Variants in RABGAP1L observed in about 807,000 individuals in gnomAD.
RABGAP1L encodes RAB GTPase activating protein 1 like, also known as rab GTPase-activating protein 1-like.
RABGAP1L carries 63 observed loss-of-function variants against 137.7 expected under a neutral mutation model. The ratio of observed to expected loss-of-function variants is 0.46; its 90% CI spans 0.37 to 0.56. The LOEUF (loss-of-function observed/expected upper bound fraction) is 0.56. Among genes scored for constraint, RABGAP1L ranks in the 20% least tolerant of loss-of-function variants. The pLI is 0.00. For missense variants in RABGAP1L, 1,095 were observed against 1,244.0 expected (o/e 0.88, Z 1.80); for synonymous variants, 431 against 433.7 (o/e 0.99, Z 0.08).
At chr1:174,597,709 TTTTCTC>T (rs1192405112) in intron 13 of RABGAP1L, among the ~76,000 whole-genome samples, 1 of 152,180 alleles carries the variant, frequency 6.6e-6, no homozygotes, top group Non-Finnish European at 1.5e-5. Context: ...GTATTGTTCT[TTTTCTC>T]TTTCCAATTT....
At chr1:174,226,910 C>G (rs1209816401) in intron 3 of RABGAP1L, among the ~76,000 whole-genome samples, 2 of 151,998 alleles carry the variant, frequency 1.3e-5, no homozygotes, top group Non-Finnish European at 2.9e-5. Flanking sequence ...ATCTGTGAGC[C>G]AAATTCCACT....
chr1:174,957,807 C>A, intron 20 of RABGAP1L: 1 of 1,228,678 alleles, frequency 8.1e-7, no homozygotes, highest in Non-Finnish European at 1.2e-6. Flanking sequence ...GATTTAGATG[C>A]TCTCTGATCA....
At chr1:174,889,541 C>T (rs1655770424) in intron 19 of RABGAP1L, among the ~76,000 whole-genome samples, 1 of 152,102 alleles carries the variant, frequency 6.6e-6, no homozygotes, top group Non-Finnish European at 1.5e-5. Context: ...CTGCTTCAAC[C>T]TCTCAAGTAG....
chr1:174,587,377 G>T (rs1278541630), intron 13 of RABGAP1L, among the ~76,000 whole-genome samples: 8 of 151,290 alleles, frequency 5.3e-5, no homozygotes, highest in Non-Finnish European at 1.2e-4. Context: ...GCACCAGCAT[G>T]GCACATGTAT....
intron 18 of RABGAP1L, among the ~76,000 whole-genome samples, chr1:174,781,948 A>G (rs974290213): frequency 6.6e-6 from 1 of 152,240 alleles, no homozygotes; most frequent in African/African-American, 2.4e-5. Context: ...TACCAGTACC[A>G]TGCTGTTTTG....
intron 14 of RABGAP1L, among the ~76,000 whole-genome samples, chr1:174,649,708 G>T (rs989470716): frequency 9.9e-5 from 15 of 152,018 alleles, no homozygotes; most frequent in African/African-American, 3.6e-4. Flanking sequence ...TTTGCTGAAG[G>T]TGCTTATTAG....
chr1:174,732,715 A>G (rs949053448), intron 17 of RABGAP1L, among the ~76,000 whole-genome samples: 1 of 152,202 alleles, frequency 6.6e-6, no homozygotes, highest in African/African-American at 2.4e-5. Context: ...AATCCACACA[A>G]TGAAGCTGGT....
rs373353466 is a variant in RABGAP1L, at chr1:174,803,057, A to AT, written c.2212-8766dup. Among the ~76,000 whole-genome samples the AT allele has an allele frequency of 8.5e-4, 129 of 151,680 alleles. 1 individual carries two copies. Among genetic ancestry groups the AT allele is most frequent in the African/African-American group, 2.5e-3 (105 of 41,374 alleles). On this transcript the variant is annotated intron_variant, in intron 18 of 25. Transcript: ENST00000681986. ...TTTATTTTACTTTTAAGATCCCATTATTTTTTTTTCATCATAAAACCAGTC... is the reference window on the plus strand; with the variant it reads ...TTTATTTTACTTTTAAGATCCCATTATTTTTTTTTTCATCATAAAACCAGTC...
At chr1:174,457,743 TC>T (rs1182632737) in intron 13 of RABGAP1L, among the ~76,000 whole-genome samples, 2 of 152,130 alleles carry the variant, frequency 1.3e-5, no homozygotes, top group Non-Finnish European at 2.9e-5. Flanking sequence ...ACTCAAGTGA[TC>T]CACCTGCCCT....
intron 13 of RABGAP1L, among the ~76,000 whole-genome samples, chr1:174,438,938 T>C (rs1174266655): frequency 1.3e-5 from 2 of 151,698 alleles, no homozygotes; most frequent in Non-Finnish European, 2.9e-5. Flanking sequence ...GCAATGATTT[T>C]TATATATTGA....
chr1:174,723,007 G>A (rs1226447326), intron 17 of RABGAP1L, among the ~76,000 whole-genome samples: 1 of 152,138 alleles, frequency 6.6e-6, no homozygotes, highest in East Asian at 1.9e-4. Context: ...GAGGCATGCT[G>A]GAGTGATTCA....
At chr1:174,328,281 T>C (rs1336460705) in intron 11 of RABGAP1L, among the ~76,000 whole-genome samples, 1 of 151,970 alleles carries the variant, frequency 6.6e-6, no homozygotes, top group African/African-American at 2.4e-5. Context: ...TTCTCCAGAA[T>C]AGATCATATC....
intron 7 of RABGAP1L, among the ~76,000 whole-genome samples, chr1:174,267,916 G>C (rs1344175451): frequency 6.6e-6 from 1 of 152,052 alleles, no homozygotes. Context: ...TGCTTATATG[G>C]TTATTTTTGT....
intron 11 of RABGAP1L, among the ~76,000 whole-genome samples, chr1:174,326,014 G>A (rs568874099): frequency 6.6e-6 from 1 of 152,210 alleles, no homozygotes; most frequent in African/African-American, 2.4e-5. Context: ...TGGGCTTAGG[G>A]TGCCTTCTAG....
At chr1:174,916,971 G>A (rs1354192720) in intron 19 of RABGAP1L, among the ~76,000 whole-genome samples, 1 of 152,212 alleles carries the variant, frequency 6.6e-6, no homozygotes, top group African/African-American at 2.4e-5. Flanking sequence ...GGAAATACAA[G>A]ATCAGTGTTC....
chr1:174,435,852 G>C (rs967893780), intron 13 of RABGAP1L, among the ~76,000 whole-genome samples: 4 of 141,590 alleles, frequency 2.8e-5, no homozygotes, highest in Non-Finnish European at 5.9e-5. Context: ...TCCCCTTCCT[G>C]TGTCCATGTG....
intron 18 of RABGAP1L, among the ~76,000 whole-genome samples, chr1:174,767,488 C>T (rs1194941905): frequency 6.7e-6 from 1 of 150,344 alleles, no homozygotes; most frequent in South Asian, 2.1e-4. Context: ...ATTTTCACTG[C>T]GTCCTCATTA....
chr1:174,202,455 A>G (rs1668191582), intron 1 of RABGAP1L, among the ~76,000 whole-genome samples: 1 of 152,174 alleles, frequency 6.6e-6, no homozygotes, highest in African/African-American at 2.4e-5. Flanking sequence ...CCTTCTTTTG[A>G]GAAGTGTCTG....
At chr1:174,340,930 T>C (rs1025727639) in intron 11 of RABGAP1L, among the ~76,000 whole-genome samples, 3 of 152,200 alleles carry the variant, frequency 2.0e-5, no homozygotes, top group African/African-American at 7.2e-5. Flanking sequence ...GCATCTGTTG[T>C]TTCTTGACTT....
Sources: gnomAD v4.1 joint callset for allele counts (sites outside exome capture counted in the v4.1 genomes callset) on GRCh38, gnomAD v4.1.1 for gene constraint, MANE v1.5 for transcripts, NCBI Gene and HGNC (gene_info 2026-07-23, HGNC 2026-07-21) for gene names.